The following MYO3B variants were observed in gnomAD, a reference collection of about 807,000 sequenced individuals.
MYO3B encodes myosin-IIIb.
MYO3B carries 156 observed loss-of-function variants against 174.6 expected under a neutral mutation model. The ratio of observed to expected loss-of-function variants is 0.89; its 90% confidence interval spans 0.78 to 1.02. The LOEUF (loss-of-function observed/expected upper bound fraction) is 1.02. Ranked by LOEUF, MYO3B falls within the 50% of genes least tolerant of loss-of-function variation. The probability of loss-of-function intolerance (pLI) is 0.00; values close to 1 mark genes in which losing one functional copy is unlikely to be tolerated. For missense variants in MYO3B, 1,632 were observed against 1,639.4 expected (o/e 1.00, Z 0.08); for synonymous variants, 563 against 569.1 (o/e 0.99, Z 0.15).
At chr2:170,586,068 A>G (rs565497416) in intron 32 of MYO3B, among the ~76,000 whole-genome samples, 1 of 152,344 alleles carries the variant, frequency 6.6e-6, no homozygotes, top group African/African-American at 2.4e-5. Flanking sequence ...GTGTTTGTTC[A>G]GGGAAAGAAG....
intron 28 of MYO3B, among the ~76,000 whole-genome samples, chr2:170,511,646 A>C (rs1270468148): frequency 6.6e-6 from 1 of 152,162 alleles, no homozygotes; most frequent in African/African-American, 2.4e-5. Context: ...ATCTCATATA[A>C]TCCAGACTTC....
intron 7 of MYO3B, among the ~76,000 whole-genome samples, chr2:170,299,435 T>C (rs554829435): frequency 3.9e-5 from 6 of 152,304 alleles, no homozygotes; most frequent in Non-Finnish European, 8.8e-5. Context: ...AATTTTACAA[T>C]AAATTTCTTT....
At chr2:170,368,073 C>A (rs1017530600) in intron 8 of MYO3B, among the ~76,000 whole-genome samples, 1 of 152,128 alleles carries the variant, frequency 6.6e-6, no homozygotes, top group Non-Finnish European at 1.5e-5. Context: ...ACTGCAGAAA[C>A]CAAAGCTTTT....
At chr2:170,197,675 T>A (rs989757987) in intron 1 of MYO3B, among the ~76,000 whole-genome samples, 2 of 152,116 alleles carry the variant, frequency 1.3e-5, no homozygotes, top group African/African-American at 4.8e-5. Context: ...GTCATAAAAA[T>A]TTTTGAAACA....
chr2:170,472,994 C>A (rs947333583), intron 25 of MYO3B, among the ~76,000 whole-genome samples: 4 of 152,138 alleles, frequency 2.6e-5, no homozygotes, highest in African/African-American at 9.6e-5. Context: ...AGCCACCATG[C>A]CTGAACTTCA....
intron 1 of MYO3B, among the ~76,000 whole-genome samples, chr2:170,198,724 A>G (rs2092628155): frequency 6.6e-6 from 1 of 152,210 alleles, no homozygotes; most frequent in South Asian, 2.1e-4. Flanking sequence ...GCGAGGATAA[A>G]AAAGAAGAAA....
intron 32 of MYO3B, among the ~76,000 whole-genome samples, chr2:170,626,403 G>A (rs999788618): frequency 1.3e-4 from 20 of 152,072 alleles, no homozygotes; most frequent in Admixed American, 7.9e-4. Flanking sequence ...CCATTTGCTC[G>A]GTAGATCTGT....
intron 7 of MYO3B, among the ~76,000 whole-genome samples, chr2:170,291,419 G>C (rs184103126): frequency 6.6e-6 from 1 of 152,204 alleles, no homozygotes; most frequent in South Asian, 2.1e-4. Context: ...TGATAGATTT[G>C]TCTTTTTGGC....
chr2:170,598,264 G>A (rs914501018), intron 32 of MYO3B, among the ~76,000 whole-genome samples: 1 of 152,146 alleles, frequency 6.6e-6, no homozygotes, highest in African/African-American at 2.4e-5. Flanking sequence ...CTGTTTAGAG[G>A]CATAAACACA....
intron 7 of MYO3B, among the ~76,000 whole-genome samples, chr2:170,307,093 A>G (rs1177319850): frequency 1.3e-5 from 2 of 152,052 alleles, no homozygotes; most frequent in African/African-American, 4.8e-5. Flanking sequence ...AAATGAAAAA[A>G]TTAGCTGAGT....
At chr2:170,496,439 C>A in intron 25 of MYO3B, among the ~76,000 whole-genome samples, 1 of 151,852 alleles carries the variant, frequency 6.6e-6, no homozygotes, top group East Asian at 1.9e-4. Flanking sequence ...GCAGGAAAAT[C>A]CTTTGACAAA....
intron 32 of MYO3B, among the ~76,000 whole-genome samples, chr2:170,596,704 C>T (rs116143516): frequency 0.019 from 2,828 of 152,286 alleles, 42 homozygotes; most frequent in Middle Eastern, 0.044. Context: ...CCGCTGCCCC[C>T]CCAGGGCCTA....
chr2:170,502,885 G>A (rs943849760), intron 28 of MYO3B, among the ~76,000 whole-genome samples: 1 of 152,220 alleles, frequency 6.6e-6, no homozygotes, highest in African/African-American at 2.4e-5. Context: ...GACCACTGTA[G>A]AAGCCTGATG....
intron 30 of MYO3B, among the ~76,000 whole-genome samples, chr2:170,534,705 G>A (rs1168198634): frequency 6.6e-6 from 1 of 152,196 alleles, no homozygotes; most frequent in African/African-American, 2.4e-5. Context: ...CTCCCAAAGT[G>A]CTAGGAGTAC....
At chr2:170,605,226 C>G (rs1422648430) in intron 32 of MYO3B, among the ~76,000 whole-genome samples, 1 of 152,202 alleles carries the variant, frequency 6.6e-6, no homozygotes, top group Non-Finnish European at 1.5e-5. Flanking sequence ...TGTGAAGACT[C>G]ACCCTTCTGG....
chr2:170,500,988 C>T (rs1687231572), intron 27 of MYO3B, among the ~76,000 whole-genome samples: 1 of 152,134 alleles, frequency 6.6e-6, no homozygotes, highest in Non-Finnish European at 1.5e-5. Flanking sequence ...GGATGATTTC[C>T]CTTATGCTCT....
intron 22 of MYO3B, among the ~76,000 whole-genome samples, chr2:170,431,592 G>C (rs1428479178): frequency 6.6e-6 from 1 of 152,178 alleles, no homozygotes; most frequent in East Asian, 1.9e-4. Flanking sequence ...ATAGTGTAAA[G>C]GTGTTAATTA....
chr2:170,385,758 A>G (rs943757297), intron 12 of MYO3B: 1 of 153,180 alleles, frequency 6.5e-6, no homozygotes, highest in Non-Finnish European at 1.5e-5. Flanking sequence ...AGGCTACAGG[A>G]GAGCAGGCAC....
chr2:170,192,599 CTTATT>C (rs1279031039), intron 1 of MYO3B, among the ~76,000 whole-genome samples: 2 of 150,654 alleles, frequency 1.3e-5, no homozygotes, highest in East Asian at 1.9e-4. Context: ...TTTCCTTATG[CTTATT>C]TTATTTATCT....
Sources: gnomAD v4.1 joint callset for allele counts (sites outside exome capture counted in the v4.1 genomes callset) on GRCh38, gnomAD v4.1.1 for gene constraint, MANE v1.5 for transcripts, NCBI Gene and HGNC (gene_info 2026-07-23, HGNC 2026-07-21) for gene names.